Variants in CSMD1 observed in about 807,000 individuals in gnomAD.
CSMD1 encodes the protein CUB and sushi domain-containing protein 1.
In CSMD1, 213 loss-of-function variants were observed where a neutral mutation model predicts 417.5. The observed-to-expected ratio is 0.51, with a 90% CI of 0.46 to 0.57. The LOEUF (loss-of-function observed/expected upper bound fraction) is 0.57, where lower values mean the gene tolerates loss of function less well. Ranked by LOEUF, CSMD1 falls within the 20% of genes least tolerant of loss-of-function variation. The probability of loss-of-function intolerance (pLI) is 0.00; values close to 1 mark genes in which losing one functional copy is unlikely to be tolerated. For missense variants in CSMD1, 6,923 were observed against 4,529.7 expected, an observed-to-expected ratio of 1.53 and a Z score of -15.17; for synonymous variants, 2,862 against 1,736.8, an observed-to-expected ratio of 1.65 and a Z score of -16.11.
At chr8:3,786,706 C>T (rs1249089836) in intron 5 of CSMD1, among the ~76,000 whole-genome samples, 1 of 152,186 alleles carries the variant, frequency 6.6e-6, no homozygotes, top group Non-Finnish European at 1.5e-5. Context: ...GTATTTCTCA[C>T]TGTCTAGAGG....
At chr8:4,260,600 A>T (rs76462279) in intron 3 of CSMD1, among the ~76,000 whole-genome samples, 23 of 152,286 alleles carry the variant, frequency 1.5e-4, no homozygotes, top group Non-Finnish European at 3.1e-4. Context: ...CTGAAAACAC[A>T]TATTTGTGGT....
intron 1 of CSMD1, among the ~76,000 whole-genome samples, chr8:4,991,264 T>C (rs368539103): frequency 2.0e-5 from 3 of 152,062 alleles, no homozygotes; most frequent in Non-Finnish European, 4.4e-5. Flanking sequence ...TCCCTGAAAA[T>C]AGGCATTTAA....
intron 3 of CSMD1, among the ~76,000 whole-genome samples, chr8:4,053,365 C>T (rs368984102): frequency 3.9e-5 from 6 of 151,936 alleles, no homozygotes; most frequent in Admixed American, 3.9e-4. Context: ...ATTCTAAATT[C>T]TCTACAGACA....
chr8:4,097,664 C>G (rs1801091146), intron 3 of CSMD1, among the ~76,000 whole-genome samples: 1 of 152,126 alleles, frequency 6.6e-6, no homozygotes, highest in East Asian at 1.9e-4. Flanking sequence ...AAAAGATGTT[C>G]TTGTTTAAGA....
intron 5 of CSMD1, among the ~76,000 whole-genome samples, chr8:3,758,307 G>A (rs945871100): frequency 6.6e-6 from 1 of 152,194 alleles, no homozygotes; most frequent in Non-Finnish European, 1.5e-5. Context: ...GAGGGCTTTA[G>A]ACCAATTATA....
At chr8:3,307,958 G>C in intron 24 of CSMD1, 137 bp from the exon 25 acceptor site, 1 of 956,942 alleles carries the variant, frequency 1.0e-6, no homozygotes, top group South Asian at 1.9e-5. Flanking sequence ...TCTCTCTCCT[G>C]ACCGTTTCAA....
At chr8:4,950,993 CAAACAAAA>C (rs1808711092) in intron 1 of CSMD1, among the ~76,000 whole-genome samples, 2 of 151,048 alleles carry the variant, frequency 1.3e-5, no homozygotes, top group East Asian at 2.0e-4. Context: ...CAAAAACAAA[CAAACAAAA>C]AAAATTAATA....
intron 5 of CSMD1, among the ~76,000 whole-genome samples, chr8:3,986,112 T>G (rs1291517426): frequency 6.6e-6 from 1 of 152,012 alleles, no homozygotes; most frequent in Non-Finnish European, 1.5e-5. Context: ...GAGCTACAAG[T>G]TCAGATGAAC....
intron 3 of CSMD1, among the ~76,000 whole-genome samples, chr8:4,093,890 G>A (rs906249868): frequency 6.6e-6 from 1 of 152,072 alleles, no homozygotes. Flanking sequence ...AACGCAGGAG[G>A]CAGAGGTTTC....
intron 6 of CSMD1, among the ~76,000 whole-genome samples, chr8:3,717,106 G>C (rs1313684815): frequency 6.6e-6 from 1 of 152,100 alleles, no homozygotes; most frequent in Non-Finnish European, 1.5e-5. Flanking sequence ...TCAACAGTCT[G>C]CTTCAGAAAT....
intron 26 of CSMD1, among the ~76,000 whole-genome samples, chr8:3,248,806 T>G (rs1185719782): frequency 6.6e-6 from 1 of 152,146 alleles, no homozygotes. Context: ...CCTATTCTCT[T>G]GTTCACTTGG....
chr8:4,355,620 T>C (rs567175667), intron 3 of CSMD1, among the ~76,000 whole-genome samples: 4 of 152,186 alleles, frequency 2.6e-5, no homozygotes, highest in African/African-American at 9.7e-5. Flanking sequence ...CTGAGTTAAA[T>C]ATTGCTTACA....
intron 5 of CSMD1, among the ~76,000 whole-genome samples, chr8:3,886,200 C>G (rs1038933342): frequency 6.6e-6 from 1 of 152,118 alleles, no homozygotes; most frequent in Non-Finnish European, 1.5e-5. Flanking sequence ...CAGGTGTCCA[C>G]CACCATGCCC....
chr8:3,252,304 C>A (rs1320278452), intron 26 of CSMD1, among the ~76,000 whole-genome samples: 1 of 152,186 alleles, frequency 6.6e-6, no homozygotes, highest in Non-Finnish European at 1.5e-5. Flanking sequence ...GCCATTTCTG[C>A]ATCTATTGGG....
At chr8:3,026,480 C>T (rs560498917) in intron 51 of CSMD1, among the ~76,000 whole-genome samples, 1 of 151,828 alleles carries the variant, frequency 6.6e-6, no homozygotes, top group Admixed American at 6.6e-5. Context: ...CTGGACCTCA[C>T]TGGGCTTGAC....
chr8:3,289,513 C>T (rs1480502805), intron 25 of CSMD1, among the ~76,000 whole-genome samples: 1 of 144,876 alleles, frequency 6.9e-6, no homozygotes, highest in Non-Finnish European at 1.5e-5. Flanking sequence ...TTAATGATCG[C>T]CATTCTAACT....
At chr8:3,670,565 T>TATATATATATTGC (rs1563254910) in intron 7 of CSMD1, among the ~76,000 whole-genome samples, 3 of 118,018 alleles carry the variant, frequency 2.5e-5, no homozygotes, top group Admixed American at 8.6e-5. Flanking sequence ...ATATATGCGA[T>TATATATATATTGC]ATATATATAT....
chr8:3,204,264 C>G lies in CSMD1; in HGVS notation c.4984+1240G>C, dbSNP rs1316643228. ...AAAATTTTTAATTGTGTAATGATGA[C>G]AATAATATTTTGTATTTAACTAAAA... On this transcript the variant is annotated intron_variant, in intron 31 of 69. Coordinates refer to ENST00000635120, the MANE Select transcript of CSMD1 (RefSeq NM_033225.6). Among the ~76,000 whole-genome samples, 3 of 152,000 alleles carry G rather than the reference C, an allele frequency of 2.0e-5. No homozygotes were observed. The East Asian group carries it at 5.8e-4, about 29-fold the overall frequency.
chr8:4,713,159 TC>T (rs1808418904), intron 1 of CSMD1, among the ~76,000 whole-genome samples: 1 of 152,144 alleles, frequency 6.6e-6, no homozygotes, highest in Non-Finnish European at 1.5e-5. Context: ...GCAAATGTGT[TC>T]CCCGGGTGGG....
Sources: gnomAD v4.1 joint callset for allele counts (sites outside exome capture counted in the v4.1 genomes callset) on GRCh38, gnomAD v4.1.1 for gene constraint, MANE v1.5 for transcripts, NCBI Gene and HGNC (gene_info 2026-07-23, HGNC 2026-07-21) for gene names.